The following BBS4 variants were observed in gnomAD, a reference collection of about 807,000 sequenced individuals.
BBS4 encodes the protein BBSome complex member BBS4.
In BBS4, 58 loss-of-function variants were observed where a neutral mutation model predicts 71.4. The observed-to-expected ratio is 0.81, with a 90% CI of 0.66 to 1.01. BBS4 has a LOEUF of 1.01. Among genes scored for constraint, BBS4 ranks in the 50% least tolerant of loss-of-function variants. The pLI, the probability that BBS4 is intolerant of heterozygous loss-of-function variation, is 0.00. For missense variants in BBS4, 660 were observed against 607.9 expected, an observed-to-expected ratio of 1.09 and a Z score of -0.90; for synonymous variants, 228 against 216.8, an observed-to-expected ratio of 1.05 and a Z score of -0.46.
At chr15:72,737,122 A>G in intron 15 of BBS4, 159 bp downstream of exon 15, 1 of 893,504 alleles carries the variant, frequency 1.1e-6, no homozygotes, top group Non-Finnish European at 1.8e-6. Context: ...CTAAATTGGC[A>G]CTTGTTTCCT....
chr15:72,719,114 G>T (rs1470413881), intron 6 of BBS4, among the ~76,000 whole-genome samples: 1 of 151,822 alleles, frequency 6.6e-6, no homozygotes, highest in Non-Finnish European at 1.5e-5. Flanking sequence ...CTGCTTTAAT[G>T]CAGGGAGGAA....
intron 12 of BBS4, 129 bp downstream of exon 12, chr15:72,731,855 A>G: frequency 8.3e-7 from 1 of 1,198,418 alleles, no homozygotes; most frequent in East Asian, 2.5e-5. Flanking sequence ...AATCTGGATT[A>G]CTGTCCTGGA....
chr15:72,707,183 T>C (rs977087534), intron 2 of BBS4, among the ~76,000 whole-genome samples: 11 of 141,704 alleles, frequency 7.8e-5, no homozygotes, highest in Non-Finnish European at 1.4e-4. Flanking sequence ...TTTTCTTTTC[T>C]TTTTTTTTTT....
intron 1 of BBS4, among the ~76,000 whole-genome samples, chr15:72,693,231 A>C (rs967091503): frequency 3.3e-5 from 5 of 152,202 alleles, no homozygotes; most frequent in African/African-American, 1.2e-4. Context: ...TGTTTTATTC[A>C]GTCAGTAGAT....
At chr15:72,706,034 T>G (rs1179019814) in intron 2 of BBS4, among the ~76,000 whole-genome samples, 2 of 152,190 alleles carry the variant, frequency 1.3e-5, no homozygotes, top group East Asian at 3.9e-4. Context: ...TGCCTCATTC[T>G]CTTTTACTCT....
At chr15:72,693,729 G>C (rs1567397221) in intron 1 of BBS4, among the ~76,000 whole-genome samples, 1 of 152,114 alleles carries the variant, frequency 6.6e-6, no homozygotes. Flanking sequence ...GATTTGACCT[G>C]TGGGCCATAG....
At chr15:72,731,067 T>A in intron 10 of BBS4, among the ~76,000 whole-genome samples, 1 of 7,368 alleles carries the variant, frequency 1.4e-4, no homozygotes, top group Admixed American at 2.2e-3. Context: ...CATTTTATCT[T>A]TTTTTTTTTT....
chr15:72,708,602 A>G (rs1165418050), intron 2 of BBS4, among the ~76,000 whole-genome samples: 1 of 152,222 alleles, frequency 6.6e-6, no homozygotes, highest in African/African-American at 2.4e-5. Context: ...GAAGACAACC[A>G]TAAGGTCTGA....
chr15:72,712,938 T>G (rs558137546), intron 4 of BBS4, among the ~76,000 whole-genome samples: 1 of 152,224 alleles, frequency 6.6e-6, no homozygotes, highest in East Asian at 1.9e-4. Context: ...GGGGTAATAC[T>G]TAAAACACAC....
chr15:72,737,431 T>A, intron 15 of BBS4, 47 bp from the exon 16 acceptor site: 1 of 1,490,106 alleles, frequency 6.7e-7, no homozygotes, highest in East Asian at 2.3e-5. Context: ...AATGATTTCT[T>A]CTGAAATTGT....
At chr15:72,720,255 T>A (rs1203373830) in intron 6 of BBS4, among the ~76,000 whole-genome samples, 1 of 151,038 alleles carries the variant, frequency 6.6e-6, no homozygotes, top group East Asian at 1.9e-4. Flanking sequence ...GGATGCTGAG[T>A]GGGGAGGATC....
chr15:72,687,001 A>G (rs2064859847), intron 1 of BBS4, among the ~76,000 whole-genome samples: 2 of 152,244 alleles, frequency 1.3e-5, no homozygotes, highest in Admixed American at 6.5e-5. Flanking sequence ...CTGTTTTACA[A>G]CTTAGTTTTG....
At chr15:72,734,731 G>T (rs1052824309) in intron 12 of BBS4, among the ~76,000 whole-genome samples, 1 of 152,144 alleles carries the variant, frequency 6.6e-6, no homozygotes, top group Non-Finnish European at 1.5e-5. Context: ...CATGGTTATA[G>T]ATGTGGGGGG....
chr15:72,710,479 C>T (rs572662316), intron 3 of BBS4, among the ~76,000 whole-genome samples: 80 of 152,164 alleles, frequency 5.3e-4, no homozygotes, highest in Non-Finnish European at 8.8e-4. Flanking sequence ...GGATTACAGG[C>T]GTGAGCCACC....
intron 12 of BBS4, among the ~76,000 whole-genome samples, chr15:72,733,288 CCTCT>C (rs888688188): frequency 1.4e-4 from 21 of 152,092 alleles, no homozygotes; most frequent in Admixed American, 2.6e-4. Flanking sequence ...AGACTCCATT[CCTCT>C]CTCTTTTTTT....
At position 72,737,123 on chromosome 15, in the gene BBS4, CTT is replaced by C. The variant is rs1462469918; in HGVS notation, c.1450+161_1450+162del. On this transcript the variant is annotated intron_variant, in intron 15 of 15. Coordinates refer to ENST00000268057, the MANE Select transcript of BBS4 (RefSeq NM_033028.5). ...AAAACACAGGGTGGCTAAATTGGCA[CTT>C]GTTTCCTTAAGGCGAGCTATGTAGT... 4.5e-6 allele frequency: 4 copies of C among 880,762 alleles called. No homozygotes were observed. In the African/African-American group the frequency reaches 6.6e-5, roughly 15 times the overall value. The allele number at this position is 880,762 out of a possible 1,614,324, so 54.6% of individuals were successfully genotyped here.
intron 1 of BBS4, among the ~76,000 whole-genome samples, chr15:72,690,973 A>G (rs1350949643): frequency 6.6e-6 from 1 of 152,050 alleles, no homozygotes; most frequent in African/African-American, 2.4e-5. Flanking sequence ...GATATTGAAG[A>G]TTTTTTATAT....
intron 13 of BBS4, 112 bp from the exon 14 acceptor site, chr15:72,735,713 T>C (rs2065908246): frequency 1.5e-6 from 2 of 1,360,004 alleles, no homozygotes; most frequent in African/African-American, 1.4e-5. Flanking sequence ...TGCTGCATAA[T>C]GGAGAAATCT....
intron 9 of BBS4, 147 bp from the exon 10 acceptor site, chr15:72,729,469 C>G (rs35136341): frequency 2.8e-6 from 2 of 719,534 alleles, no homozygotes. Flanking sequence ...AGGCTGGTCT[C>G]GAACTCCTGA....
Sources: allele counts gnomAD v4.1 joint callset (sites outside exome capture counted in the v4.1 genomes callset), GRCh38; gene constraint gnomAD v4.1.1; transcripts MANE v1.5; gene names NCBI Gene and HGNC (gene_info 2026-07-23, HGNC 2026-07-21).